Variants in PAK4 observed in about 807,000 individuals in gnomAD.
The protein encoded by PAK4 is p21 (RAC1) activated kinase 4.
PAK4 carries 49 observed loss-of-function variants against 53.5 expected under a neutral mutation model. The ratio of observed to expected loss-of-function variants is 0.92; its 90% CI spans 0.73 to 1.16. PAK4 has a LOEUF of 1.16. Ranked by LOEUF, PAK4 falls within the 50% of genes most tolerant of loss-of-function variation. The pLI, the probability that PAK4 is intolerant of heterozygous loss-of-function variation, is 0.00. For synonymous variants in PAK4, 376 were observed against 375.6 expected, an observed-to-expected ratio of 1.00 and a Z score of -0.01; for missense variants, 824 against 850.7, an observed-to-expected ratio of 0.97 and a Z score of 0.39.
At chr19:39,180,271 GCT>G (rs1408528806), downstream of PAK4, 2 of 152,098 alleles carry the variant, frequency 1.3e-5, no homozygotes. Flanking sequence ...AAGCAGCTGT[GCT>G]CTCTGCGATG....
intron 1 of PAK4, among the ~76,000 whole-genome samples, chr19:39,146,207 G>GGGAGACAGACGT (rs2073996519): frequency 6.6e-6 from 1 of 151,548 alleles, no homozygotes; most frequent in South Asian, 2.1e-4. Context: ...AATACAGTGA[G>GGGAGACAGACGT]GGAGACAGAC....
At chr19:39,151,831 C>T (rs541468227) in intron 1 of PAK4, among the ~76,000 whole-genome samples, 2 of 152,282 alleles carry the variant, frequency 1.3e-5, no homozygotes, top group South Asian at 4.2e-4. Flanking sequence ...TGCAGTGGCA[C>T]CATCTCAGTT....
intron 1 of PAK4, among the ~76,000 whole-genome samples, chr19:39,137,408 T>C (rs1003210660): frequency 2.6e-5 from 4 of 152,088 alleles, no homozygotes; most frequent in African/African-American, 7.2e-5. Flanking sequence ...GCCGGCCCTG[T>C]GTCCCGGCCA....
exon 2 of PAK4, chr19:39,169,604 C>G (rs535952525): frequency 1.9e-6 from 3 of 1,610,872 alleles, no homozygotes; most frequent in East Asian, 2.2e-5. Context: ...CGTCCAACTT[C>G]GAGCACCGCG....
chr19:39,180,821 A>G (rs563314125), downstream of PAK4: 2 of 152,360 alleles, frequency 1.3e-5, no homozygotes, highest in African/African-American at 4.8e-5. Flanking sequence ...GAAAGATAGC[A>G]GCTCAGGAGG....
intron 1 of PAK4, among the ~76,000 whole-genome samples, chr19:39,126,619 C>T (rs1220411591): frequency 6.6e-6 from 1 of 152,088 alleles, no homozygotes; most frequent in Non-Finnish European, 1.5e-5. Flanking sequence ...GGGTCTTAAC[C>T]TGGTATTAAG....
At position 39,161,495 on chromosome 19, in the gene PAK4, C is replaced by T. The variant is rs1293368444; in HGVS notation, c.-22-8037C>T. On this transcript the variant is annotated intron_variant, in intron 1 of 8. Transcript: ENST00000358301. The surrounding 1 kb of genome is among the most constrained non-coding windows in gnomAD (Gnocchi z 4.5). ...CTGCTCATGCCGCCCCCTCTGCAGC[C>T]CCCACAAGGTCCTGCCCCCTTGATT... 1.3e-5 allele frequency among the ~76,000 whole-genome samples: 2 copies of T among 151,930 alleles called. No homozygotes were observed. The highest frequency in any genetic ancestry group is 2.1e-4 in the South Asian group (1 of 4,824).
At position 39,144,945 on chromosome 19, in the gene PAK4, G is replaced by A. The variant is rs561531900; in HGVS notation, c.-23+19026G>A. On this transcript the variant is annotated intron_variant, in intron 1 of 8. Coordinates refer to ENST00000358301, the Ensembl canonical transcript of PAK4. ...ATCTGACATGTGTACAGAAAAGTGTGTAAAACCTCCATGTTCAGTTTAATG... is the reference window on the plus strand; with the variant it reads ...ATCTGACATGTGTACAGAAAAGTGTATAAAACCTCCATGTTCAGTTTAATG... Among the ~76,000 whole-genome samples the A allele has an allele frequency of 1.3e-4, 20 of 152,304 alleles. No homozygotes were observed. The South Asian group carries it at 3.7e-3, about 28-fold the overall frequency.
chr19:39,126,466 G>A (rs5828028), intron 1 of PAK4, among the ~76,000 whole-genome samples: 15 of 111,918 alleles, frequency 1.3e-4, no homozygotes, highest in East Asian at 5.7e-4. Flanking sequence ...GGGGGGCCGG[G>A]TCAGAGATGC....
At chr19:39,152,659 A>G (rs1336836417) in intron 1 of PAK4, among the ~76,000 whole-genome samples, 2 of 152,228 alleles carry the variant, frequency 1.3e-5, no homozygotes, top group African/African-American at 4.8e-5. Context: ...GTCAACAGCC[A>G]CAGGGCATAA....
At chr19:39,155,577 C>G (rs1185742111) in intron 1 of PAK4, among the ~76,000 whole-genome samples, 3 of 152,144 alleles carry the variant, frequency 2.0e-5, no homozygotes, top group African/African-American at 7.2e-5. Context: ...GTTACACCTG[C>G]GAGCTCTGCC....
intron 1 of PAK4, among the ~76,000 whole-genome samples, chr19:39,140,028 C>G (rs2073884391): frequency 6.6e-6 from 1 of 152,148 alleles, no homozygotes; most frequent in African/African-American, 2.4e-5. Context: ...AACTGAGGCC[C>G]AGAGAAGGCC....
chr19:39,142,443 A>T (rs529568158), intron 1 of PAK4, among the ~76,000 whole-genome samples: 148 of 152,238 alleles, frequency 9.7e-4, no homozygotes, highest in African/African-American at 3.2e-3. Flanking sequence ...AGTTTTTTTT[A>T]AAAAAGCGAG....
At position 39,170,152 on chromosome 19, in the gene PAK4, G is replaced by A. The variant is rs986520739; in HGVS notation, c.204+395G>A. Among the ~76,000 whole-genome samples the A allele has an allele frequency of 9.2e-5, 14 of 152,276 alleles. No individual in the cohort carries two copies. The East Asian group carries it at 2.7e-3, about 30-fold the overall frequency. Reference sequence around the variant, plus strand: ...ACAGACCCATTCCCAGAGGGTGACAGCCCCAAGTGGTCAGGGCTTGGGTGG... The same window carrying A: ...ACAGACCCATTCCCAGAGGGTGACAACCCCAAGTGGTCAGGGCTTGGGTGG... On this transcript the variant is annotated intron_variant, in intron 2 of 8. Coordinates refer to ENST00000358301, the Ensembl canonical transcript of PAK4.
intron 2 of PAK4, among the ~76,000 whole-genome samples, chr19:39,171,022 A>G (rs2074468635): frequency 6.6e-6 from 1 of 152,052 alleles, no homozygotes; most frequent in Non-Finnish European, 1.5e-5. Flanking sequence ...GGTGTCTCCA[A>G]AAACCCAGCC....
intron 2 of PAK4, among the ~76,000 whole-genome samples, chr19:39,172,562 C>T (rs1393835626): frequency 6.6e-6 from 1 of 152,108 alleles, no homozygotes; most frequent in Non-Finnish European, 1.5e-5. Flanking sequence ...TTGCAGCCCT[C>T]GGGGCTGATT....
intron 2 of PAK4, among the ~76,000 whole-genome samples, chr19:39,172,469 G>C (rs116580027): frequency 3.0e-3 from 459 of 152,238 alleles, no homozygotes; most frequent in African/African-American, 0.01. Flanking sequence ...TGGGAGCAGA[G>C]AGTGTGGTTT....
chr19:39,179,242 C>T (rs1264753296), exon 9 of PAK4: 1 of 152,628 alleles, frequency 6.6e-6, no homozygotes, highest in Non-Finnish European at 1.5e-5. Context: ...TTTTATAACA[C>T]TCTAGCCCCT....
chr19:39,131,754 G>A (rs751689375), intron 1 of PAK4, among the ~76,000 whole-genome samples: 3 of 152,218 alleles, frequency 2.0e-5, no homozygotes, highest in Non-Finnish European at 4.4e-5. Context: ...CTGCCTTCCC[G>A]AGGGGCAGTG....
Sources: gnomAD v4.1 joint callset for allele counts (sites outside exome capture counted in the v4.1 genomes callset) on GRCh38, gnomAD v4.1.1 for gene constraint, Gnocchi (gnomAD v3.1) non-coding constraint, MANE v1.5 for transcripts, NCBI Gene and HGNC (gene_info 2026-07-23, HGNC 2026-07-21) for gene names.